Variants in ACTN2 observed in about 807,000 individuals in gnomAD.
The protein encoded by ACTN2 is alpha-actinin-2.
A neutral mutation model predicts 113.8 loss-of-function variants in ACTN2; 39 were observed. The observed-to-expected ratio is 0.34, with a 90% confidence interval of 0.27 to 0.45. The LOEUF is 0.45. Among genes scored for constraint, ACTN2 ranks in the 20% least tolerant of loss-of-function variants. ACTN2 has a pLI of 1.00. For synonymous variants in ACTN2, 429 were observed against 444.1 expected (o/e 0.97, Z 0.43); for missense variants, 992 against 1,177.9 (o/e 0.84, Z 2.31).
In ACTN2 at chr1:236,745,934, T is replaced by C. The variant is rs537946143; in HGVS notation, c.1406+1158T>C. Among the ~76,000 whole-genome samples the C allele has an allele frequency of 7.9e-5, 12 of 151,682 alleles. No individual in the cohort carries two copies. The East Asian group carries it at 9.8e-4, about 12-fold the overall frequency. On this transcript the variant is annotated intron_variant, in intron 12 of 20. Transcript: ENST00000366578. ...ACCCCAGCACTTTGGGAGGCTGAGG[T>C]GGGCTGATCACGAGGTCAGGAGATC...
chr1:236,692,460 G>A (rs1424971009), intron 1 of ACTN2, among the ~76,000 whole-genome samples: 1 of 152,160 alleles, frequency 6.6e-6, no homozygotes, highest in Non-Finnish European at 1.5e-5. Flanking sequence ...GTGCTGAGGT[G>A]GCAAATCCGG....
chr1:236,719,944 T>C (rs1008466553), intron 3 of ACTN2, among the ~76,000 whole-genome samples, 161 bp from the exon 4 acceptor site: 3 of 152,238 alleles, frequency 2.0e-5, no homozygotes, highest in Admixed American at 6.5e-5. Context: ...GAATACTGTA[T>C]TTATAACCAG....
At chr1:236,728,166 CAG>C (rs1658610351) in intron 6 of ACTN2, among the ~76,000 whole-genome samples, 1 of 124,670 alleles carries the variant, frequency 8.0e-6, no homozygotes, top group Admixed American at 9.6e-5. Context: ...TTTTTTGAGA[CAG>C]AGTCTCGCTC....
intron 7 of ACTN2, among the ~76,000 whole-genome samples, chr1:236,733,142 A>G (rs1400324230): frequency 7.2e-5 from 11 of 152,186 alleles, no homozygotes. Context: ...CTAAGTTTAT[A>G]TTTGTATGCT....
chr1:236,746,505 C>T lies in ACTN2; in HGVS notation c.1407-1162C>T, dbSNP rs146240743. On this transcript the variant is annotated intron_variant, in intron 12 of 20. Coordinates refer to ENST00000366578, the MANE Select transcript of ACTN2 (RefSeq NM_001103.4). ...GTAGGACTGCTTGAGACCAGGAGTT[C>T]GAGACCAGCCTGGCAACACAGCAAG... Among the ~76,000 whole-genome samples, 682 of 151,968 alleles carry T rather than the reference C, an allele frequency of 4.5e-3. 1 individual carries two copies. Among genetic ancestry groups the T allele is most frequent in the Middle Eastern group, 6.8e-3 (2 of 294 alleles).
At chr1:236,731,607 T>TA (rs992792617) in intron 7 of ACTN2, among the ~76,000 whole-genome samples, 26 of 152,186 alleles carry the variant, frequency 1.7e-4, no homozygotes, top group African/African-American at 5.5e-4. Flanking sequence ...TTTATAATTT[T>TA]AAAAAAACAT....
intron 17 of ACTN2, 71 bp from the exon 18 acceptor site, chr1:236,757,415 A>T (rs1322613684): frequency 2.6e-5 from 42 of 1,596,982 alleles, no homozygotes; most frequent in Admixed American, 3.3e-5. Context: ...CTGTACTGTT[A>T]TGAAAGTAAA....
intron 1 of ACTN2, among the ~76,000 whole-genome samples, chr1:236,687,720 G>A (rs1665926723): frequency 6.6e-6 from 1 of 152,256 alleles, no homozygotes; most frequent in South Asian, 2.1e-4. Flanking sequence ...ACCATAGTGT[G>A]TATGGGAATC....
chr1:236,732,985 A>G (rs1048466402), intron 7 of ACTN2, among the ~76,000 whole-genome samples: 4 of 152,224 alleles, frequency 2.6e-5, no homozygotes, highest in Non-Finnish European at 5.9e-5. Flanking sequence ...TTAATCAAAC[A>G]TCTGTATTAT....
In ACTN2 at chr1:236,709,992, A is replaced by G. The variant is rs116134470; in HGVS notation, c.127-7866A>G. On this transcript the variant is annotated intron_variant, in intron 1 of 20. Transcript: ENST00000366578. ...GGAGAAAATGGAATGATGAAGGTTG[A>G]ACAGATAGTTTTACAGAAGCCAGCC... Among the ~76,000 whole-genome samples, 699 of 152,368 alleles carry G rather than the reference A, an allele frequency of 4.6e-3. 6 individuals are homozygous for G. Among genetic ancestry groups the G allele is most frequent in the Non-Finnish European group, 8.1e-3 (551 of 68,040 alleles).
intron 5 of ACTN2, among the ~76,000 whole-genome samples, chr1:236,727,162 C>T (rs1245133691): frequency 7.4e-6 from 1 of 134,954 alleles, no homozygotes; most frequent in Admixed American, 8.2e-5. Context: ...CACCTACATG[C>T]CTTTGCCTTA....
rs1043638711 is a variant in ACTN2, at chr1:236,720,315, G to T, written c.448+124G>T. 5.6e-5 allele frequency: 45 copies of T among 797,926 alleles called. No individual in the cohort carries two copies. In the African/African-American group the frequency reaches 5.8e-4, roughly 10 times the overall value. 49.4% of individuals were successfully genotyped at this position (797,926 alleles called of 1,614,324 possible). ...TGATTGAATGAGAGACATGTAAGTG[G>T]GTTCTTATAAATTTTGTATGTGTAT... On this transcript the variant is annotated intron_variant, in intron 4 of 20. Coordinates refer to ENST00000366578, the MANE Select transcript of ACTN2 (RefSeq NM_001103.4).
chr1:236,752,844 C>T (rs368313668), intron 15 of ACTN2, among the ~76,000 whole-genome samples: 5 of 152,278 alleles, frequency 3.3e-5, no homozygotes, highest in South Asian at 2.1e-4. Flanking sequence ...TGAGCCGTCA[C>T]GCCTGGGCAG....
intron 1 of ACTN2, among the ~76,000 whole-genome samples, chr1:236,703,433 CTTTT>C (rs35432183): frequency 2.0e-5 from 2 of 98,834 alleles, no homozygotes; most frequent in African/African-American, 7.8e-5. Context: ...GGCCTACTAC[CTTTT>C]TTTTTTTTTT....
Position 236,757,563 on chromosome 1 carries a change from G to A in ACTN2, c.2232G>A (p.Thr744=), listed in dbSNP as rs144676770. 14 of 1,614,030 alleles carry A rather than the reference G, an allele frequency of 8.7e-6. No homozygotes were observed. The highest frequency in any genetic ancestry group is 1.1e-5 in the Non-Finnish European group (13 of 1,180,042). Residue 744 remains threonine, a synonymous_variant, in exon 18 of 21, where the codon ACG becomes ACA. Transcript: ENST00000366578. The part of the protein sequence containing the change: ...TINEVETQIL[T]RDAKGITQEQ... ...ATGAGGTGGAGACTCAGATCCTGAC[G>A]AGAGATGCGAAGGGCATCACCCAGG... is the stretch of plus-strand genomic sequence containing the variant.
rs758619189 is a variant in ACTN2, at chr1:236,709,220, GTATATATATATATA to G, written c.127-8615_127-8602del. The stretch of plus-strand genomic sequence containing the variant: ...ATAAAGCTGATCATGACAAATGACT[GTATATATATATATA>G]TATATATATATATATATATATACAC... On this transcript the variant is annotated intron_variant, in intron 1 of 20. Coordinates refer to ENST00000366578, the MANE Select transcript of ACTN2 (RefSeq NM_001103.4). Among the ~76,000 whole-genome samples, 39 of 66,850 alleles carry G rather than the reference GTATATATATATATA, an allele frequency of 5.8e-4. 1 individual carries two copies. The highest frequency in any genetic ancestry group is 1.9e-3 in the African/African-American group (31 of 16,508). The allele number at this position is 66,850 out of a possible 152,430, so 43.9% of individuals were successfully genotyped here. A position where few individuals can be genotyped will look rare whatever the true frequency, so the allele number is the denominator to read the frequency against.
At chr1:236,735,887 T>A (rs1375051145) in intron 8 of ACTN2, among the ~76,000 whole-genome samples, 167 bp downstream of exon 8, 1 of 152,252 alleles carries the variant, frequency 6.6e-6, no homozygotes, top group East Asian at 1.9e-4. Flanking sequence ...AACTTTTTTT[T>A]AACAGCTTTA....
intron 1 of ACTN2, among the ~76,000 whole-genome samples, chr1:236,711,701 T>C (rs997602676): frequency 5.3e-5 from 8 of 152,200 alleles, no homozygotes; most frequent in Admixed American, 2.0e-4. Flanking sequence ...TTTTGTGGCT[T>C]CCCATCTCGG....
At chr1:236,715,458 T>C (rs1246634713) in intron 1 of ACTN2, among the ~76,000 whole-genome samples, 1 of 152,144 alleles carries the variant, frequency 6.6e-6, no homozygotes, top group Non-Finnish European at 1.5e-5. Context: ...TTATCTATAG[T>C]GTTGTCCAGT....
Sources: gnomAD v4.1 joint callset for allele counts (sites outside exome capture counted in the v4.1 genomes callset) on GRCh38, gnomAD v4.1.1 for gene constraint, MANE v1.5 for transcripts, NCBI Gene and HGNC (gene_info 2026-07-23, HGNC 2026-07-21) for gene names.